Variants in SRSF10 observed in about 807,000 individuals in gnomAD.
SRSF10 encodes serine and arginine rich splicing factor 10, also known as serine/arginine-rich splicing factor 10.
Under a neutral mutation model 32.6 loss-of-function variants are expected in SRSF10, and 9 were observed. That is an observed-to-expected ratio of 0.28 (90% CI 0.17 to 0.48). The LOEUF is 0.48. Among genes scored for constraint, SRSF10 ranks in the 20% least tolerant of loss-of-function variants. The pLI, the probability that SRSF10 is intolerant of heterozygous loss-of-function variation, is 0.99. For missense variants in SRSF10, 201 were observed against 331.8 expected (o/e 0.61, Z 3.06); for synonymous variants, 105 against 112.4 (o/e 0.93, Z 0.42).
Position 23,968,368 on chromosome 1 carries a change from C to T in SRSF10, c.*2774G>A, listed in dbSNP as rs1442875630. On this transcript the variant is annotated 3_prime_UTR_variant, in exon 6 of 6. Coordinates refer to ENST00000492112, the MANE Select transcript of SRSF10 (RefSeq NM_054016.4). The stretch of plus-strand genomic sequence containing the variant: ...AGCTATCTCCTCAATCTACTTCTCT[C>T]AAATTATAGTCTGTAAAACAAACAA... Among the ~76,000 whole-genome samples the T allele has an allele frequency of 1.3e-5, 2 of 152,102 alleles. No individual in the cohort carries two copies. The highest frequency in any genetic ancestry group is 4.8e-5 in the African/African-American group (2 of 41,424).
At chr1:23,973,992 ATTTTT>A (rs141826891) in intron 3 of SRSF10, among the ~76,000 whole-genome samples, 3 of 134,204 alleles carry the variant, frequency 2.2e-5, no homozygotes, top group Non-Finnish European at 3.2e-5. Flanking sequence ...CTCAGCAGCT[ATTTTT>A]TTTTTTTTTT....
Position 23,965,343 on chromosome 1 carries a change from T to C in SRSF10, c.*5799A>G, listed in dbSNP as rs1641400329. On this transcript the variant is annotated 3_prime_UTR_variant, in exon 6 of 6. Coordinates refer to ENST00000492112, the MANE Select transcript of SRSF10 (RefSeq NM_054016.4). ...AAAATGCAATACAATGGAAAATCTC[T>C]ACAAGAGAATGAGATTTGGAAAGCC... is the stretch of plus-strand genomic sequence containing the variant. The C allele has an allele frequency of 6.6e-6, 1 of 152,004 alleles. No homozygotes were observed. The highest frequency in any genetic ancestry group is 2.4e-5 in the African/African-American group (1 of 41,456). 9.4% of individuals were successfully genotyped at this position (152,004 alleles called of 1,614,324 possible).
In SRSF10 at chr1:23,967,926, T is replaced by G; in HGVS notation, c.*3216A>C. 1 of 1,546,100 alleles carries G rather than the reference T, an allele frequency of 6.5e-7. No individual in the cohort carries two copies. The highest frequency in any genetic ancestry group is 8.7e-7 in the Non-Finnish European group (1 of 1,146,202). ...GCACCTTTCCTCTCTCACTGAAGCA[T>G]TATCTCTCATTTTTCTTCTTGCTTA... On this transcript the variant is annotated 3_prime_UTR_variant, in exon 6 of 6. Transcript: ENST00000492112.
intron 3 of SRSF10, among the ~76,000 whole-genome samples, chr1:23,973,095 C>A (rs7526349): frequency 6.6e-6 from 1 of 151,972 alleles, no homozygotes; most frequent in South Asian, 2.1e-4. Flanking sequence ...GATGCAGATG[C>A]AGAACGTGAT....
intron 2 of SRSF10, chr1:23,976,282 T>A (rs2148509577): frequency 6.6e-6 from 1 of 152,344 alleles, no homozygotes; most frequent in Admixed American, 6.5e-5. Context: ...ATTTTTTTAT[T>A]ATAGAGACTA....
Position 23,970,646 on chromosome 1 carries a change from A to G in SRSF10, c.*496T>C. 1.0e-6 allele frequency: 1 copy of G among 985,944 alleles called. No individual in the cohort carries two copies. Among genetic ancestry groups the G allele is most frequent in the Non-Finnish European group, 1.2e-6 (1 of 830,298 alleles). The allele number at this position is 985,944 out of a possible 1,614,324, so 61.1% of individuals were successfully genotyped here. A position where few individuals can be genotyped will look rare whatever the true frequency, so the allele number is the denominator to read the frequency against. ...AGTGCTGGGATTACAGGTGTGAGCC[A>G]CCACGCCCAGCCGGGCCTAGACATC... On this transcript the variant is annotated 3_prime_UTR_variant, in exon 6 of 6. Coordinates refer to ENST00000492112, the MANE Select transcript of SRSF10 (RefSeq NM_054016.4).
chr1:23,971,665 T>C, intron 4 of SRSF10, 39 bp from the exon 5 acceptor site: 3 of 1,593,414 alleles, frequency 1.9e-6, no homozygotes, highest in South Asian at 1.2e-5. Context: ...CAAATATCTA[T>C]TCATAGAGGC....
Position 23,969,385 on chromosome 1 carries a change from G to T in SRSF10, c.*1757C>A. The T allele has an allele frequency of 1.0e-6, 1 of 985,662 alleles. No homozygotes were observed. Among genetic ancestry groups the T allele is most frequent in the Non-Finnish European group, 1.2e-6 (1 of 829,778 alleles). 61.1% of individuals were successfully genotyped at this position (985,662 alleles called of 1,614,324 possible). A position where few individuals can be genotyped will look rare whatever the true frequency, so the allele number is the denominator to read the frequency against. ...TAAAGAAACGTGCATATAAACGATT[G>T]CATAGCAGAACATGAACATTAACTG... On this transcript the variant is annotated 3_prime_UTR_variant, in exon 6 of 6. Transcript: ENST00000492112.
intron 3 of SRSF10, 129 bp downstream of exon 3, chr1:23,974,840 AAAAAG>A: frequency 1.8e-5 from 13 of 725,432 alleles, no homozygotes; most frequent in Admixed American, 5.3e-5. Context: ...CTCAAAAAAA[AAAAAG>A]AAAGAAAGAA....
At chr1:23,978,368 T>G in intron 2 of SRSF10, 2 of 935,468 alleles carry the variant, frequency 2.1e-6, no homozygotes, top group Non-Finnish European at 2.6e-6. Flanking sequence ...TGATTCAAAT[T>G]AACAAACAAG....
Position 23,978,905 on chromosome 1 carries a change from G to C in SRSF10, c.66-88C>G, listed in dbSNP as rs1336638494. Reference sequence around the variant, plus strand: ...TATCTTTTTGATGAAGGAAAGCTAGGATCCAAGAATTTGGAAGATAAAAAT... The same window carrying C: ...TATCTTTTTGATGAAGGAAAGCTAGCATCCAAGAATTTGGAAGATAAAAAT... On this transcript the variant is annotated intron_variant, in intron 1 of 5. Coordinates refer to ENST00000492112, the MANE Select transcript of SRSF10 (RefSeq NM_054016.4). The C allele has an allele frequency of 1.9e-5, 23 of 1,238,102 alleles. No individual in the cohort carries two copies. The South Asian group carries it at 3.5e-4, about 19-fold the overall frequency. 76.7% of individuals were successfully genotyped at this position (1,238,102 alleles called of 1,614,324 possible).
intron 1 of SRSF10, among the ~76,000 whole-genome samples, chr1:23,979,321 C>G (rs556482549): frequency 2.5e-4 from 38 of 152,050 alleles, no homozygotes; most frequent in African/African-American, 9.2e-4. Context: ...TGCTTTCTTT[C>G]CTTCTTAAAT....
At position 23,967,589 on chromosome 1, in the gene SRSF10, A is replaced by G; in HGVS notation, c.*3553T>C. 2 of 781,774 alleles carry G rather than the reference A, an allele frequency of 2.6e-6. No individual in the cohort carries two copies. The highest frequency in any genetic ancestry group is 2.0e-5 in the Admixed American group (1 of 49,004). 48.4% of individuals were successfully genotyped at this position (781,774 alleles called of 1,614,324 possible). ...CAGACCAGAGTCAAAATATTCGTAC[A>G]GTATTCATACTGCAGCACCTTCCAC... On this transcript the variant is annotated 3_prime_UTR_variant, in exon 6 of 6. Coordinates refer to ENST00000492112, the MANE Select transcript of SRSF10 (RefSeq NM_054016.4).
intron 3 of SRSF10, 61 bp from the exon 4 acceptor site, chr1:23,972,073 TA>T: frequency 7.3e-7 from 1 of 1,373,960 alleles, no homozygotes; most frequent in Non-Finnish European, 9.5e-7. Context: ...AAGCCCTCAA[TA>T]AATAGGGAAA....
In SRSF10 at chr1:23,975,046, A is replaced by C; in HGVS notation, c.202T>G (p.Leu68Val). ...FEDVRDAEDA[L>V]HNLDRKWICG... ...ATCCACTTTCTGTCCAAATTATGTA[A>C]AGCGTCTTCAGCATCACGAACATCC... Residue 68 changes from leucine (L) to valine (V), a missense_variant, in exon 3 of 6, where the codon TTA (leucine) becomes GTA (valine). This residue lies in a region of SRSF10 where 41 missense variants were observed against 109.5 expected (regional missense o/e 0.37). Coordinates refer to ENST00000492112, the MANE Select transcript of SRSF10 (RefSeq NM_054016.4). The C allele has an allele frequency of 6.2e-7, 1 of 1,613,970 alleles. No individual in the cohort carries two copies. Among genetic ancestry groups the C allele is most frequent in the Non-Finnish European group, 8.5e-7 (1 of 1,179,864 alleles).
chr1:23,969,376 T>C lies in SRSF10; in HGVS notation c.*1766A>G, dbSNP rs1344348431. 3 of 985,610 alleles carry C rather than the reference T, an allele frequency of 3.0e-6. No homozygotes were observed. Among genetic ancestry groups the C allele is most frequent in the East Asian group, 2.3e-4 (2 of 8,830 alleles). 61.1% of individuals were successfully genotyped at this position (985,610 alleles called of 1,614,324 possible). ...TAAAAAAATTAAAGAAACGTGCATA[T>C]AAACGATTGCATAGCAGAACATGAA... On this transcript the variant is annotated 3_prime_UTR_variant, in exon 6 of 6. Coordinates refer to ENST00000492112, the MANE Select transcript of SRSF10 (RefSeq NM_054016.4).
chr1:23,972,789 C>T (rs192860193), intron 3 of SRSF10, among the ~76,000 whole-genome samples: 60 of 150,784 alleles, frequency 4.0e-4, no homozygotes, highest in African/African-American at 1.4e-3. Flanking sequence ...TTGCCCAGGC[C>T]GGAGTGCGAT....
chr1:23,971,281 T>C lies in SRSF10; in HGVS notation c.650A>G (p.Tyr217Cys). 6.2e-7 allele frequency: 1 copy of C among 1,613,940 alleles called. No homozygotes were observed. Among genetic ancestry groups the C allele is most frequent in the South Asian group, 1.1e-5 (1 of 91,068 alleles). The change falls in exon 6 of 6, where the codon TAT (tyrosine) becomes TGT (cysteine). Residue 217 changes from tyrosine (Y) to cysteine (C), a missense_variant. Around this residue, in one of 3 missense-constraint regions of SRSF10, gnomAD observed 159 missense variants for 196.7 expected, o/e 0.81. Coordinates refer to ENST00000492112, the MANE Select transcript of SRSF10 (RefSeq NM_054016.4). Reference protein sequence around the residue: ...GTSKTDSKTHYKSGSRYEKES... With the variant: ...GTSKTDSKTHCKSGSRYEKES... ...CTTTTCATATCTTGAGCCAGACTTA[T>C]AATGTGTTTTGGAATCTGTTTTAGA...
chr1:23,964,541 T>TC lies in SRSF10; in HGVS notation c.*6600_*6601insG, dbSNP rs1641363522. On this transcript the variant is annotated 3_prime_UTR_variant, in exon 6 of 6. Coordinates refer to ENST00000492112, the MANE Select transcript of SRSF10 (RefSeq NM_054016.4). ...GTCTTCTTTTCGATGGCAGTTATACTATGATGGAATCCAGGTCCAAAACCT... is the reference window on the plus strand; with the variant it reads ...GTCTTCTTTTCGATGGCAGTTATACTCATGATGGAATCCAGGTCCAAAACCT... Among the ~76,000 whole-genome samples the TC allele has an allele frequency of 6.6e-6, 1 of 152,010 alleles. No homozygotes were observed. The highest frequency in any genetic ancestry group is 1.5e-5 in the Non-Finnish European group (1 of 67,886).
Sources: gnomAD v4.1 joint callset for allele counts (sites outside exome capture counted in the v4.1 genomes callset) on GRCh38, gnomAD v4.1.1 for gene constraint, gnomAD v4.1.1 regional missense constraint, MANE v1.5 for transcripts, NCBI Gene and HGNC (gene_info 2026-07-23, HGNC 2026-07-21) for gene names.